The following CNTN1 variants were observed in gnomAD, a reference collection of about 807,000 sequenced individuals.
CNTN1 encodes contactin 1.
CNTN1 carries 38 observed loss-of-function variants against 126.4 expected under a neutral mutation model. That is an observed-to-expected ratio of 0.30 (90% CI 0.23 to 0.39). The LOEUF (loss-of-function observed/expected upper bound fraction) is 0.39, where lower values mean the gene tolerates loss of function less well. Ranked by LOEUF, CNTN1 falls within the 10% of genes least tolerant of loss-of-function variation. The pLI is 1.00. For missense variants in CNTN1, 1,009 were observed against 1,248.4 expected (o/e 0.81, Z 2.89); for synonymous variants, 413 against 422.6 (o/e 0.98, Z 0.28).
At chr12:40,964,545 T>A (rs1175441358) in intron 15 of CNTN1, among the ~76,000 whole-genome samples, 4 of 151,836 alleles carry the variant, frequency 2.6e-5, no homozygotes, top group African/African-American at 9.7e-5. Flanking sequence ...TGTGTGTGTG[T>A]GTGTGTGTGT....
At chr12:40,769,477 A>T (rs1376868055) in intron 1 of CNTN1, among the ~76,000 whole-genome samples, 1 of 152,208 alleles carries the variant, frequency 6.6e-6, no homozygotes, top group East Asian at 1.9e-4. Flanking sequence ...GGAGAAAAAA[A>T]TAAATACATT....
Position 40,944,118 on chromosome 12 carries a change from G to A in CNTN1, c.1631G>A (p.Gly544Asp), listed in dbSNP as rs773805932. Residue 544 changes from glycine (G) to aspartate (D), a missense_variant, in exon 14 of 24, where the codon GGC becomes GAC. Coordinates refer to ENST00000551295, the MANE Select transcript of CNTN1 (RefSeq NM_001843.4). ...LDLTFVWSFN[G>D]YVIDFNKENI... ...CTCACATTTGTTTGGTCCTTCAATG[G>A]CTATGTGATCGATTTTAACAAAGAG... 2.2e-5 allele frequency: 35 copies of A among 1,613,280 alleles called. No homozygotes were observed. The highest frequency in any genetic ancestry group is 1.1e-4 in the East Asian group (5 of 44,860).
chr12:40,761,904 G>GT (rs1418910379), intron 1 of CNTN1, among the ~76,000 whole-genome samples: 1 of 152,026 alleles, frequency 6.6e-6, no homozygotes, highest in Admixed American at 6.6e-5. Context: ...TGATTTCTCT[G>GT]TTTTTGTTAG....
intron 1 of CNTN1, among the ~76,000 whole-genome samples, chr12:40,889,185 G>T (rs1944158127): frequency 6.6e-6 from 1 of 152,194 alleles, no homozygotes; most frequent in Non-Finnish European, 1.5e-5. Context: ...TAATAGGTTG[G>T]TGAGAAGTAG....
intron 1 of CNTN1, among the ~76,000 whole-genome samples, chr12:40,756,213 G>A (rs1175208555): frequency 6.6e-6 from 1 of 152,026 alleles, no homozygotes; most frequent in Non-Finnish European, 1.5e-5. Flanking sequence ...TTGGGGGTGA[G>A]GGAGCAGGTA....
At chr12:40,781,087 G>A (rs894339729) in intron 1 of CNTN1, among the ~76,000 whole-genome samples, 1 of 151,868 alleles carries the variant, frequency 6.6e-6, no homozygotes. Flanking sequence ...TAAATCAGAT[G>A]TGAAACAAAT....
At chr12:40,891,016 A>G (rs918039220) in intron 1 of CNTN1, among the ~76,000 whole-genome samples, 2 of 152,176 alleles carry the variant, frequency 1.3e-5, no homozygotes, top group East Asian at 1.9e-4. Context: ...AGGATATGGA[A>G]CAGCAGGAAC....
Position 40,933,725 on chromosome 12 carries a change from G to T in CNTN1, c.832G>T (p.Val278Phe), listed in dbSNP as rs1228624228. Residue 278 changes from valine to phenylalanine, a missense_variant, in exon 9 of 24, where the codon GTT becomes TTT. Physicochemically the swap from Val to Phe is conservative, Grantham distance 50. Coordinates refer to ENST00000551295, the MANE Select transcript of CNTN1 (RefSeq NM_001843.4). ...TGTTCCGGATATCCGATGGCGGAAG[G>T]TTCTAGAACCAATGCCAAGCACTGC... ...NPVPDIRWRK[V>F]LEPMPSTAEI... 2.5e-6 allele frequency: 4 copies of T among 1,612,822 alleles called. No individual in the cohort carries two copies. The highest frequency in any genetic ancestry group is 3.3e-5 in the Admixed American group (2 of 59,834).
chr12:41,022,276 C>G (rs1948932871), intron 20 of CNTN1, among the ~76,000 whole-genome samples: 1 of 152,026 alleles, frequency 6.6e-6, no homozygotes. Context: ...TAATCTTTAT[C>G]AAAGAAGATT....
rs570032599 is a variant in CNTN1 at position 40,828,646 on chromosome 12, G to T, written c.-76-79711G>T. 3.1e-4 allele frequency among the ~76,000 whole-genome samples: 47 copies of T among 152,260 alleles called. No homozygotes were observed. The South Asian group carries it at 9.1e-3, about 30-fold the overall frequency. On this transcript the variant is annotated intron_variant, in intron 1 of 23. Transcript: ENST00000551295. ...TTAGCACGGCTGTGGCATCGCGTTG[G>T]CTCAGATTATTTCCTTAATGTCAAC... is the stretch of plus-strand genomic sequence containing the variant.
intron 14 of CNTN1, among the ~76,000 whole-genome samples, chr12:40,946,564 A>T (rs1327916304): frequency 6.6e-6 from 1 of 152,146 alleles, no homozygotes; most frequent in East Asian, 1.9e-4. Context: ...TAAGATTCAG[A>T]TGTAAATGTT....
Position 40,737,285 on chromosome 12 carries a change from A to G in CNTN1, c.-77+44693A>G, listed in dbSNP as rs12369957. ...GAGGGACAGAACTAATAGGATATAT[A>G]TGTGTGTGTGTGTGTGTGTGTATAT... On this transcript the variant is annotated intron_variant, in intron 1 of 23. Transcript: ENST00000551295. 6.3e-4 allele frequency among the ~76,000 whole-genome samples: 89 copies of G among 141,172 alleles called. No homozygotes were observed. In the East Asian group the frequency reaches 0.014, roughly 22 times the overall value. The allele number at this position is 141,172 out of a possible 152,430, so 92.6% of individuals were successfully genotyped here.
chr12:40,887,718 T>C (rs1285491366), intron 1 of CNTN1, among the ~76,000 whole-genome samples: 1 of 152,024 alleles, frequency 6.6e-6, no homozygotes, highest in Non-Finnish European at 1.5e-5. Flanking sequence ...TGCACACGTA[T>C]GTTTATTGCA....
rs957328431 is a variant in CNTN1, at chr12:41,025,026, T to C, written c.2524-124T>C. The C allele has an allele frequency of 2.9e-5, 28 of 963,306 alleles. 1 individual carries two copies. The highest frequency in any genetic ancestry group is 4.5e-5 in the Non-Finnish European group (27 of 603,128). 59.7% of individuals were successfully genotyped at this position (963,306 alleles called of 1,614,324 possible). A position where few individuals can be genotyped will look rare whatever the true frequency, so the allele number is the denominator to read the frequency against. ...AGGCTGATAAAAGGGTAGATATCATTAAGAAACATTTGAAAATATGATGAT... is the reference window on the plus strand; with the variant it reads ...AGGCTGATAAAAGGGTAGATATCATCAAGAAACATTTGAAAATATGATGAT... On this transcript the variant is annotated intron_variant, in intron 20 of 23. Coordinates refer to ENST00000551295, the MANE Select transcript of CNTN1 (RefSeq NM_001843.4).
intron 1 of CNTN1, among the ~76,000 whole-genome samples, chr12:40,704,224 TA>T (rs1169110122): frequency 6.6e-6 from 1 of 152,122 alleles, no homozygotes; most frequent in African/African-American, 2.4e-5. Context: ...TTTAACAAAG[TA>T]AAAGACACTA....
chr12:40,771,450 G>A (rs1643778475), intron 1 of CNTN1, among the ~76,000 whole-genome samples: 1 of 151,890 alleles, frequency 6.6e-6, no homozygotes, highest in Non-Finnish European at 1.5e-5. Context: ...TGTTGTTCTT[G>A]CAAATATTCT....
In CNTN1 at chr12:40,993,294, A is replaced by G. The variant is rs780940438; in HGVS notation, c.2113+25A>G. On this transcript the variant is annotated intron_variant, in intron 17 of 23. Coordinates refer to ENST00000551295, the MANE Select transcript of CNTN1 (RefSeq NM_001843.4). Reference sequence around the variant, plus strand: ...GGTATGTATATACAAGAAACTTGAAATTTTAAAAGATTTCTAAATACAGTG... The same window carrying G: ...GGTATGTATATACAAGAAACTTGAAGTTTTAAAAGATTTCTAAATACAGTG... 3.1e-6 allele frequency: 5 copies of G among 1,595,032 alleles called. No homozygotes were observed. The South Asian group carries it at 5.5e-5, about 18-fold the overall frequency.
chr12:40,749,042 T>C (rs1433329980), intron 1 of CNTN1, among the ~76,000 whole-genome samples: 1 of 152,124 alleles, frequency 6.6e-6, no homozygotes, highest in Non-Finnish European at 1.5e-5. Flanking sequence ...TATTTCAGTT[T>C]GCTTCTTTGC....
intron 12 of CNTN1, among the ~76,000 whole-genome samples, chr12:40,941,416 T>C (rs1946259606): frequency 6.6e-6 from 1 of 152,086 alleles, no homozygotes; most frequent in Non-Finnish European, 1.5e-5. Context: ...ATAAATATAA[T>C]CTTATTCTTC....
Sources: allele counts gnomAD v4.1 joint callset (sites outside exome capture counted in the v4.1 genomes callset), GRCh38; gene constraint gnomAD v4.1.1; transcripts MANE v1.5; gene names NCBI Gene and HGNC (gene_info 2026-07-23, HGNC 2026-07-21).